Variants in NOMO1 observed in about 807,000 individuals in gnomAD.
The protein encoded by NOMO1 is nodal modulator 3.
A neutral mutation model predicts 133.8 loss-of-function variants in NOMO1; 40 were observed. That is an observed-to-expected ratio of 0.30 (90% CI 0.23 to 0.39). The LOEUF is 0.39. Among genes scored for constraint, NOMO1 ranks in the 10% least tolerant of loss-of-function variants. NOMO1 has a pLI of 1.00. For missense variants in NOMO1, 462 were observed against 1,419.9 expected (o/e 0.33, Z 10.84); for synonymous variants, 236 against 570.5 (o/e 0.41, Z 8.36).
chr16:14,887,297 C>T (rs1315219804), intron 28 of NOMO1, among the ~76,000 whole-genome samples: 1 of 146,032 alleles, frequency 6.8e-6, no homozygotes, highest in Non-Finnish European at 1.5e-5. Context: ...TCAAATCTTT[C>T]TTTTTTTTTT....
chr16:14,887,439 G>A (rs1488359574), intron 28 of NOMO1, among the ~76,000 whole-genome samples: 1 of 151,778 alleles, frequency 6.6e-6, no homozygotes, highest in Non-Finnish European at 1.5e-5. Context: ...GACTACAGGC[G>A]TGTGCCACCA....
At chr16:14,836,832 A>C (rs1188160361) in intron 1 of NOMO1, among the ~76,000 whole-genome samples, 1 of 150,204 alleles carries the variant, frequency 6.7e-6, no homozygotes, top group Non-Finnish European at 1.5e-5. Context: ...CAGCCTCCCG[A>C]GTAGCTGGGA....
chr16:14,893,699 CTGT>C (rs1334725882), intron 29 of NOMO1, among the ~76,000 whole-genome samples: 1 of 151,148 alleles, frequency 6.6e-6, no homozygotes, highest in Non-Finnish European at 1.5e-5. Context: ...CCCCTTTATA[CTGT>C]TAAAAATTAT....
chr16:14,878,596 T>C (rs2151007714), intron 22 of NOMO1, 125 bp from the exon 23 acceptor site: 1 of 848,042 alleles, frequency 1.2e-6, no homozygotes, highest in South Asian at 1.7e-5. Flanking sequence ...TTAGGTCCCC[T>C]GTCCTCCTTT....
Position 14,833,798 on chromosome 16 carries a change from G to A in NOMO1, c.-54G>A. The A allele has an allele frequency of 4.7e-6, 2 of 426,432 alleles. No homozygotes were observed. Among genetic ancestry groups the A allele is most frequent in the Non-Finnish European group, 8.2e-6 (2 of 244,530 alleles). 26.4% of individuals were successfully genotyped at this position (426,432 alleles called of 1,614,324 possible). ...GAGGAAGGAGCCTGCGGCGTGCAGT[G>A]TGAGGGGCGGGACCCGGCTGCCGGC... On this transcript the variant is annotated 5_prime_UTR_variant, in exon 1 of 31. In the 5' UTR this introduces an upstream ATG that the reference lacks. Transcript: ENST00000287667.
chr16:14,885,205 A>G (rs1964306118), intron 27 of NOMO1, among the ~76,000 whole-genome samples: 1 of 152,064 alleles, frequency 6.6e-6, no homozygotes, highest in Non-Finnish European at 1.5e-5. Context: ...TTACAATTCA[A>G]CATGAGATTT....
rs1964080841 is a variant in NOMO1, at chr16:14,871,532, A to G, written c.1895-89A>G. 25 of 1,598,378 alleles carry G rather than the reference A, an allele frequency of 1.6e-5. No homozygotes were observed. The South Asian group carries it at 2.7e-4, about 17-fold the overall frequency. ...GCGATACGTTTGAGTTTTCACATGC[A>G]AAGAGCTGCCACTCGATTTCAGATG... On this transcript the variant is annotated intron_variant, in intron 16 of 30. Transcript: ENST00000287667.
At chr16:14,884,536 A>G in intron 27 of NOMO1, 54 bp downstream of exon 27, 8 of 1,609,874 alleles carry the variant, frequency 5.0e-6, no homozygotes, top group Non-Finnish European at 6.8e-6. Flanking sequence ...CTTTGAGACA[A>G]GTACGAATGG....
Position 14,866,700 on chromosome 16 carries a change from G to A in NOMO1, c.1806+9G>A, listed in dbSNP as rs767390418. 39 of 1,609,748 alleles carry A rather than the reference G, an allele frequency of 2.4e-5. 1 individual carries two copies. The Admixed American group carries it at 2.5e-4, about 10-fold the overall frequency. On this transcript the variant is annotated intron_variant, in intron 15 of 30. Coordinates refer to ENST00000287667, the MANE Select transcript of NOMO1 (RefSeq NM_014287.4). Reference sequence around the variant, plus strand: ...CTCACGCCATCACTCTGGTATGTACGGCTTATTGAGTCTCTTATTTGGAAA... The same window carrying A: ...CTCACGCCATCACTCTGGTATGTACAGCTTATTGAGTCTCTTATTTGGAAA...
At chr16:14,889,388 C>T (rs975465668) in intron 29 of NOMO1, among the ~76,000 whole-genome samples, 173 bp downstream of exon 29, 23 of 152,086 alleles carry the variant, frequency 1.5e-4, no homozygotes, top group Non-Finnish European at 2.4e-4. Flanking sequence ...AAAAATTAAC[C>T]GGGCGTGGTG....
At chr16:14,859,200 G>A (rs1333020360) in intron 11 of NOMO1, among the ~76,000 whole-genome samples, 1 of 151,948 alleles carries the variant, frequency 6.6e-6, no homozygotes, top group Non-Finnish European at 1.5e-5. Flanking sequence ...GGGGTAGGAG[G>A]TAGTGCCCAA....
rs748298371 is a variant in NOMO1, at chr16:14,864,599, G to C, written c.1410G>C (p.Glu470Asp). 1.2e-6 allele frequency: 2 copies of C among 1,613,278 alleles called. No homozygotes were observed. Among genetic ancestry groups the C allele is most frequent in the Non-Finnish European group, 8.5e-7 (1 of 1,179,756 alleles). ...GTYKVQVMVP[E>D]AETRAGLTLK... is the part of the protein sequence containing the mutation. ...CGTTTCCACAGGTGATGGTTCCTGA[G>C]GCAGAAACCAGAGCAGGGCTGACGT... Residue 470 changes from glutamate to aspartate, a missense_variant, in exon 13 of 31, where the codon GAG becomes GAC. By Grantham distance (45) the Glu-to-Asp change is conservative. Transcript: ENST00000287667.
chr16:14,886,631 A>G, intron 27 of NOMO1, 130 bp from the exon 28 acceptor site: 1 of 1,303,516 alleles, frequency 7.7e-7, no homozygotes, highest in Non-Finnish European at 1.1e-6. Flanking sequence ...CTATGGAGGG[A>G]GCTTTCTTTT....
intron 26 of NOMO1, 66 bp from the exon 27 acceptor site, chr16:14,884,306 G>C (rs1012266740): frequency 5.1e-6 from 7 of 1,386,122 alleles, no homozygotes; most frequent in Non-Finnish European, 7.0e-6. Flanking sequence ...CAGGCCATCG[G>C]ACAGCTGGCA....
At chr16:14,885,123 G>A (rs1348156150) in intron 27 of NOMO1, among the ~76,000 whole-genome samples, 3 of 152,104 alleles carry the variant, frequency 2.0e-5, no homozygotes, top group Non-Finnish European at 4.4e-5. Context: ...AACGAAGACA[G>A]CACCAAGCCA....
intron 28 of NOMO1, among the ~76,000 whole-genome samples, chr16:14,887,806 G>A (rs576742120): frequency 5.9e-5 from 9 of 151,976 alleles, no homozygotes; most frequent in Non-Finnish European, 1.3e-4. Flanking sequence ...TTGAGTTTAA[G>A]GAAATACAGT....
Position 14,869,286 on chromosome 16 carries a change from A to G in NOMO1, c.1894+651A>G, listed in dbSNP as rs2856568. 7.3e-5 allele frequency among the ~76,000 whole-genome samples: 11 copies of G among 150,764 alleles called. No individual in the cohort carries two copies. In the East Asian group the frequency reaches 1.2e-3, roughly 16 times the overall value. ...TTTTTGGAGGCAGAATTTGCATATC[A>G]TAAAACTCACCTATTTAAGATGTAC... On this transcript the variant is annotated intron_variant, in intron 16 of 30. Transcript: ENST00000287667.
At chr16:14,887,586 C>G (rs1237893285) in intron 28 of NOMO1, among the ~76,000 whole-genome samples, 4 of 151,788 alleles carry the variant, frequency 2.6e-5, no homozygotes, top group African/African-American at 9.7e-5. Context: ...AGGCGTGAGC[C>G]CCCGTGCCTG....
chr16:14,889,078 C>T lies in NOMO1; in HGVS notation c.3325-18C>T. On this transcript the variant is annotated intron_variant, in intron 28 of 30. Coordinates refer to ENST00000287667, the MANE Select transcript of NOMO1 (RefSeq NM_014287.4). ...AGAGCTGTCCTTGTAAAAATAACTTCTTCCCATGTGTGCACAGAACTATGT... is the reference window on the plus strand; with the variant it reads ...AGAGCTGTCCTTGTAAAAATAACTTTTTCCCATGTGTGCACAGAACTATGT... 10 of 1,611,810 alleles carry T rather than the reference C, an allele frequency of 6.2e-6. No homozygotes were observed. In the South Asian group the frequency reaches 8.8e-5, roughly 14 times the overall value.
Sources: gnomAD v4.1 joint callset for allele counts (sites outside exome capture counted in the v4.1 genomes callset) on GRCh38, gnomAD v4.1.1 for gene constraint, MANE v1.5 for transcripts, NCBI Gene and HGNC (gene_info 2026-07-23, HGNC 2026-07-21) for gene names.